SFPQ: variants seen among roughly 807,000 people sequenced by gnomAD.
The protein encoded by SFPQ is splicing factor proline and glutamine rich.
In SFPQ, 11 loss-of-function variants were observed where a neutral mutation model predicts 72.9. The ratio of observed to expected loss-of-function variants is 0.15; its 90% CI spans 0.09 to 0.25. SFPQ has a LOEUF of 0.25. Ranked by LOEUF, SFPQ falls within the 10% of genes least tolerant of loss-of-function variation. The pLI, the probability that SFPQ is intolerant of heterozygous loss-of-function variation, is 1.00. For missense variants in SFPQ, 847 were observed against 993.3 expected (o/e 0.85, Z 1.98); for synonymous variants, 506 against 367.3 (o/e 1.38, Z -4.32).
rs1226273903 is a variant in SFPQ at position 35,192,989 on chromosome 1, C to T, written c.61G>A (p.Gly21Arg). ...TGGAGGCCGCCGCGGCCGCCGCCTC[C>T]TCCACGCCTGTGGAAGCCACCACCG... is the stretch of plus-strand genomic sequence containing the variant. ...GGGGGFHRRG[G>R]GGGRGGLHDF... The change falls in exon 1 of 10, where the codon GGA (glycine) becomes AGA (arginine). Residue 21 changes from glycine to arginine, a missense_variant. Gly to Arg is a moderately radical substitution (Grantham distance 125). Coordinates refer to ENST00000357214, the MANE Select transcript of SFPQ (RefSeq NM_005066.3). 1.3e-6 allele frequency: 2 copies of T among 1,575,616 alleles called. No homozygotes were observed. Among genetic ancestry groups the T allele is most frequent in the African/African-American group, 1.4e-5 (1 of 74,048 alleles).
At chr1:35,178,237 G>C, downstream of SFPQ, 1 of 1,096,546 alleles carries the variant, frequency 9.1e-7, no homozygotes, top group Admixed American at 5.2e-5. Context: ...GTAGACACCT[G>C]AATTAGAATG....
chr1:35,178,138 A>G (rs1386409744), downstream of SFPQ: 2 of 1,141,614 alleles, frequency 1.8e-6, no homozygotes, highest in African/African-American at 3.3e-5. Flanking sequence ...AAATCCAGAG[A>G]TAAAGATTGG....
At chr1:35,179,566 G>A (rs1162481676), downstream of SFPQ, 7 of 1,052,404 alleles carry the variant, frequency 6.7e-6, no homozygotes, top group Non-Finnish European at 8.0e-6. Context: ...CCAGCTTTTT[G>A]AGTTTTTTAA....
intron 6 of SFPQ, 105 bp from the exon 7 acceptor site, chr1:35,188,195 AAC>A (rs1639818376): frequency 2.4e-6 from 2 of 833,468 alleles, no homozygotes; most frequent in East Asian, 2.4e-5. Flanking sequence ...AGCACTAAAA[AAC>A]ACAAAGGCTT....
At chr1:35,181,973 AG>A, downstream of SFPQ, 3 of 985,374 alleles carry the variant, frequency 3.0e-6, no homozygotes, top group Non-Finnish European at 3.6e-6. Context: ...TACAGTCCAC[AG>A]TAAGGGTATC....
chr1:35,182,450 C>G (rs1639509373), downstream of SFPQ: 1 of 985,198 alleles, frequency 1.0e-6, no homozygotes, highest in African/African-American at 1.7e-5. Flanking sequence ...ATGAGATTCT[C>G]TCCCTTAGCA....
chr1:35,184,044 A>G lies in SFPQ; in HGVS notation c.*412T>C, dbSNP rs1172535159. ...TGGCATATGCCATTCAAAGGCCTAG[A>G]CACTCTCATGCTTTCAATGTGGAAT... is the stretch of plus-strand genomic sequence containing the variant. On this transcript the variant is annotated 3_prime_UTR_variant, in exon 10 of 10. Transcript: ENST00000357214. 2 of 1,070,442 alleles carry G rather than the reference A, an allele frequency of 1.9e-6. No individual in the cohort carries two copies. The highest frequency in any genetic ancestry group is 2.3e-6 in the Non-Finnish European group (2 of 883,772). The allele number at this position is 1,070,442 out of a possible 1,614,324, so 66.3% of individuals were successfully genotyped here.
At chr1:35,190,125 T>G (rs1200218050) in intron 4 of SFPQ, among the ~76,000 whole-genome samples, 1 of 151,772 alleles carries the variant, frequency 6.6e-6, no homozygotes, top group East Asian at 1.9e-4. Context: ...CCAGGCATGG[T>G]GGCACATGCC....
downstream of SFPQ, chr1:35,182,375 A>T (rs527946839): frequency 9.1e-6 from 9 of 985,374 alleles, no homozygotes; most frequent in South Asian, 1.9e-4. Flanking sequence ...CACTGATATA[A>T]TCATGGTAAA....
At chr1:35,190,264 C>CT (rs1639931372) in intron 4 of SFPQ, among the ~76,000 whole-genome samples, 1 of 152,220 alleles carries the variant, frequency 6.6e-6, no homozygotes, top group Admixed American at 6.5e-5. Context: ...ACACACGTGA[C>CT]TTTATGCCAT....
chr1:35,178,083 A>G (rs577480445), downstream of SFPQ: 2 of 1,245,468 alleles, frequency 1.6e-6, no homozygotes, highest in South Asian at 3.1e-5. Context: ...AGGGTATAAA[A>G]TAAAGGTTTG....
rs1468252844 is a variant in SFPQ, at chr1:35,183,861, TG to T, written c.*594del. 2 of 1,054,646 alleles carry T rather than the reference TG, an allele frequency of 1.9e-6. No individual in the cohort carries two copies. The highest frequency in any genetic ancestry group is 2.3e-6 in the Non-Finnish European group (2 of 872,564). The allele number at this position is 1,054,646 out of a possible 1,614,324, so 65.3% of individuals were successfully genotyped here. A position where few individuals can be genotyped will look rare whatever the true frequency, so the allele number is the denominator to read the frequency against. ...TTCCTGAAGATTTACAGTTCAGCTT[TG>T]CTTACATAACCATTTAAAAAATACT... is the stretch of plus-strand genomic sequence containing the variant. On this transcript the variant is annotated 3_prime_UTR_variant, in exon 10 of 10. Transcript: ENST00000357214.
Position 35,184,498 on chromosome 1 carries a change from C to T in SFPQ, c.2082G>A (p.Gly694=). 2 of 1,613,340 alleles carry T rather than the reference C, an allele frequency of 1.2e-6. No individual in the cohort carries two copies. The highest frequency in any genetic ancestry group is 1.7e-6 in the Non-Finnish European group (2 of 1,179,674). Residue 694 remains glycine, a synonymous_variant, in exon 10 of 10, where the codon GGG becomes GGA. Transcript: ENST00000357214. Reference sequence around the variant, plus strand: ...TGTTTGGGCCTTCGTACTCTTCTCTCCCTCTACCATATCCTGCTGGAGTTC... The same window carrying T: ...TGTTTGGGCCTTCGTACTCTTCTCTTCCTCTACCATATCCTGCTGGAGTTC... The part of the protein sequence containing the change: ...GPGTPAGYGR[G]REEYEGPNKK...
At chr1:35,181,510 T>C, downstream of SFPQ, 1 of 1,063,526 alleles carries the variant, frequency 9.4e-7, no homozygotes, top group South Asian at 4.6e-5. Flanking sequence ...GAGTTTAATG[T>C]TCTAAGCAAA....
Position 35,192,211 on chromosome 1 carries a change from T to C in SFPQ, c.828+11A>G, listed in dbSNP as rs535371612. The C allele has an allele frequency of 1.0e-5, 14 of 1,384,370 alleles. No homozygotes were observed. The highest frequency in any genetic ancestry group is 9.2e-5 in the East Asian group (1 of 10,824). 85.8% of individuals were successfully genotyped at this position (1,384,370 alleles called of 1,614,324 possible). A position where few individuals can be genotyped will look rare whatever the true frequency, so the allele number is the denominator to read the frequency against. On this transcript the variant is annotated intron_variant, in intron 1 of 9. Coordinates refer to ENST00000357214, the MANE Select transcript of SFPQ (RefSeq NM_005066.3). Reference sequence around the variant, plus strand: ...TAGGGGAGCCGACGCGTCGCTCCCATAGACACTCACCTCCGAGTCCGAGAT... The same window carrying C: ...TAGGGGAGCCGACGCGTCGCTCCCACAGACACTCACCTCCGAGTCCGAGAT...
chr1:35,193,108 G>T lies in SFPQ; in HGVS notation c.-59C>A, dbSNP rs111712925. ...AAGAAGACGCTCAGGAAACGTGGAGGCCACCTTGCTTCTCACAAAATGGCG... is the reference window on the plus strand; with the variant it reads ...AAGAAGACGCTCAGGAAACGTGGAGTCCACCTTGCTTCTCACAAAATGGCG... On this transcript the variant is annotated 5_prime_UTR_variant, in exon 1 of 10. Transcript: ENST00000357214. 174 of 1,494,710 alleles carry T rather than the reference G, an allele frequency of 1.2e-4. 1 individual carries two copies. The Middle Eastern group carries it at 3.6e-3, about 31-fold the overall frequency. 92.6% of individuals were successfully genotyped at this position (1,494,710 alleles called of 1,614,324 possible).
At chr1:35,190,622 T>C (rs1225564922) in intron 3 of SFPQ, 29 bp from the exon 4 acceptor site, 1 of 1,608,986 alleles carries the variant, frequency 6.2e-7, no homozygotes, top group Non-Finnish European at 8.5e-7. Flanking sequence ...CCATCTTAGC[T>C]TTGTTCCAGT....
downstream of SFPQ, chr1:35,181,410 C>A (rs989302882): frequency 1.4e-5 from 15 of 1,063,492 alleles, no homozygotes; most frequent in African/African-American, 1.6e-5. Context: ...ATTGCACAGG[C>A]GTAACATTAC....
downstream of SFPQ, chr1:35,182,321 T>A: frequency 1.0e-6 from 1 of 985,382 alleles, no homozygotes; most frequent in South Asian, 4.7e-5. Context: ...AGAAAATCTC[T>A]TATGTATCAC....
Sources: gnomAD v4.1 joint callset for allele counts (sites outside exome capture counted in the v4.1 genomes callset) on GRCh38, gnomAD v4.1.1 for gene constraint, MANE v1.5 for transcripts, NCBI Gene and HGNC (gene_info 2026-07-23, HGNC 2026-07-21) for gene names.